RBFOX3: variants seen among roughly 807,000 people sequenced by gnomAD.
The protein encoded by RBFOX3 is RNA binding fox-1 homolog 3, also known as RNA binding protein fox-1 homolog 3.
RBFOX3 carries 17 observed loss-of-function variants against 48.7 expected under a neutral mutation model. That is an observed-to-expected ratio of 0.35 (90% CI 0.24 to 0.52). The LOEUF (loss-of-function observed/expected upper bound fraction) is 0.52, where lower values mean the gene tolerates loss of function less well. RBFOX3 is among the 20% of genes least tolerant of loss of function. The pLI is 0.94. For missense variants in RBFOX3, 382 were observed against 497.5 expected (o/e 0.77, Z 2.21); for synonymous variants, 212 against 209.5 (o/e 1.01, Z -0.10).
intron 1 of RBFOX3, among the ~76,000 whole-genome samples, chr17:79,483,109 T>C (rs2079002758): frequency 6.6e-6 from 1 of 152,136 alleles, no homozygotes. Context: ...ACTGGTGTCC[T>C]GTGTCATTTG....
intron 4 of RBFOX3, among the ~76,000 whole-genome samples, chr17:79,182,925 A>G (rs1186416306): frequency 7.3e-6 from 1 of 137,312 alleles, no homozygotes; most frequent in East Asian, 2.1e-4. Flanking sequence ...GAAGTTCCCC[A>G]AAGTGACCCG....
At chr17:79,308,841 G>A (rs62061478) in intron 2 of RBFOX3, among the ~76,000 whole-genome samples, 19,010 of 150,598 alleles carry the variant, frequency 0.13, 1,462 homozygotes, top group Non-Finnish European at 0.18. Flanking sequence ...TTGTTGGACC[G>A]GGTGTGGTGG....
chr17:79,240,964 T>C (rs569826614), intron 3 of RBFOX3, among the ~76,000 whole-genome samples: 4 of 149,090 alleles, frequency 2.7e-5, no homozygotes, highest in Admixed American at 6.8e-5. Flanking sequence ...GCGCCTGGCC[T>C]AAATTTTTCA....
intron 4 of RBFOX3, among the ~76,000 whole-genome samples, chr17:79,116,022 G>A (rs1034311290): frequency 2.6e-5 from 4 of 152,168 alleles, no homozygotes; most frequent in African/African-American, 9.7e-5. Context: ...AAGAACAACT[G>A]AAGGGTTTTT....
At chr17:79,325,709 T>C (rs897596) in intron 2 of RBFOX3, among the ~76,000 whole-genome samples, 149,508 of 152,348 alleles carry the variant, frequency 0.98, 73,430 homozygotes, top group East Asian at 1. Flanking sequence ...CCTCTCTCCC[T>C]TTCCCTACCT....
chr17:79,378,491 C>G (rs567111125), intron 2 of RBFOX3, among the ~76,000 whole-genome samples: 1 of 152,190 alleles, frequency 6.6e-6, no homozygotes, highest in Admixed American at 6.5e-5. Flanking sequence ...GCCCAGGTGT[C>G]GGACTCGCTA....
chr17:79,282,285 AAGG>A (rs1235312516), intron 3 of RBFOX3, among the ~76,000 whole-genome samples: 3 of 152,348 alleles, frequency 2.0e-5, no homozygotes, highest in East Asian at 3.9e-4. Context: ...GAAGGGGTGC[AAGG>A]AGAAGAGGGA....
At chr17:79,602,855 T>C (rs2093738059) in intron 1 of RBFOX3, among the ~76,000 whole-genome samples, 1 of 152,164 alleles carries the variant, frequency 6.6e-6, no homozygotes, top group African/African-American at 2.4e-5. Flanking sequence ...GAGGCCATGA[T>C]CCTGCTTCCT....
At chr17:79,225,430 A>G (rs2060203912) in intron 4 of RBFOX3, among the ~76,000 whole-genome samples, 1 of 151,872 alleles carries the variant, frequency 6.6e-6, no homozygotes, top group African/African-American at 2.4e-5. Context: ...AGCTGGGATT[A>G]CAAGCATGCA....
intron 2 of RBFOX3, among the ~76,000 whole-genome samples, chr17:79,389,276 G>A (rs1176795962): frequency 1.3e-5 from 2 of 152,170 alleles, no homozygotes; most frequent in African/African-American, 2.4e-5. Flanking sequence ...ATGGAGGACT[G>A]GGGGTAGAAA....
rs2057514209 is a variant in RBFOX3, at chr17:79,364,978, G to A, written c.-174-57154C>T. Among the ~76,000 whole-genome samples the A allele has an allele frequency of 2.0e-5, 3 of 152,138 alleles. No individual in the cohort carries two copies. The highest frequency in any genetic ancestry group is 1.3e-4 in the Admixed American group (2 of 15,286). On this transcript the variant is annotated intron_variant, in intron 2 of 14. Transcript: ENST00000693108. This position sits in a 1 kb window ranked among gnomAD's most constrained non-coding sequence, Gnocchi z 5.1. ...AGCAGTCAGCCCAAGGCTCAGAAAG[G>A]CAGCATCCAAGCAAAGGGCAGGATG...
chr17:79,334,220 C>A (rs1459575749), intron 2 of RBFOX3, among the ~76,000 whole-genome samples: 1 of 152,216 alleles, frequency 6.6e-6, no homozygotes, highest in Non-Finnish European at 1.5e-5. Flanking sequence ...TCTCGAGACT[C>A]CTGTGTCCTA....
intron 4 of RBFOX3, among the ~76,000 whole-genome samples, chr17:79,218,193 C>T (rs549014318): frequency 2.0e-5 from 3 of 151,424 alleles, no homozygotes; most frequent in East Asian, 2.0e-4. Flanking sequence ...CAACAGGAAT[C>T]GAGCTGGCGA....
intron 1 of RBFOX3, among the ~76,000 whole-genome samples, chr17:79,521,680 GACAC>G (rs1189400040): frequency 4.4e-4 from 66 of 151,424 alleles, no homozygotes; most frequent in African/African-American, 1.6e-3. Context: ...TGAACTCACA[GACAC>G]ACTCATACTC....
chr17:79,624,744 G>A, the RBFOX3 span, among the ~76,000 whole-genome samples: 1 of 152,150 alleles, frequency 6.6e-6, no homozygotes, highest in African/African-American at 2.4e-5. Flanking sequence ...AGCCCTTGGA[G>A]CCTGCAGACG....
intron 2 of RBFOX3, among the ~76,000 whole-genome samples, chr17:79,435,077 T>C (rs1369345552): frequency 6.6e-6 from 1 of 152,204 alleles, no homozygotes; most frequent in Non-Finnish European, 1.5e-5. Flanking sequence ...CCCCAAAGCC[T>C]TCCCCTTTTC....
At chr17:79,259,119 GGATGAC>G (rs1182439316) in intron 3 of RBFOX3, among the ~76,000 whole-genome samples, 1 of 152,204 alleles carries the variant, frequency 6.6e-6, no homozygotes, top group African/African-American at 2.4e-5. Context: ...CTGTCTGTAG[GGATGAC>G]GACAGCAGAG....
intron 4 of RBFOX3, among the ~76,000 whole-genome samples, chr17:79,222,646 GAT>G: frequency 6.6e-6 from 1 of 152,250 alleles, no homozygotes; most frequent in East Asian, 1.9e-4. Flanking sequence ...GCCCACCAGA[GAT>G]GGCCTTGAGC....
Position 79,473,856 on chromosome 17 carries a change from G to A in RBFOX3, c.-175+8598C>T, listed in dbSNP as rs956621243. ...CACACACACTCACACACACACACAC[G>A]CAGAACTAAAGTTAGGCTTGCCTTG... On this transcript the variant is annotated intron_variant, in intron 2 of 14. Transcript: ENST00000693108. This position sits in a 1 kb window ranked among gnomAD's most constrained non-coding sequence, Gnocchi z 4.2. Among the ~76,000 whole-genome samples the A allele has an allele frequency of 4.0e-5, 6 of 151,768 alleles. No homozygotes were observed. The highest frequency in any genetic ancestry group is 3.9e-4 in the East Asian group (2 of 5,166).
Sources: gnomAD v4.1 joint callset for allele counts (sites outside exome capture counted in the v4.1 genomes callset) on GRCh38, gnomAD v4.1.1 for gene constraint, Gnocchi (gnomAD v3.1) non-coding constraint, MANE v1.5 for transcripts, NCBI Gene and HGNC (gene_info 2026-07-23, HGNC 2026-07-21) for gene names.